PAFAH2: variants seen among roughly 807,000 people sequenced by gnomAD.
The protein encoded by PAFAH2 is platelet-activating factor acetylhydrolase 2, cytoplasmic.
Under a neutral mutation model 49.0 loss-of-function variants are expected in PAFAH2, and 42 were observed. The observed-to-expected ratio is 0.86, with a 90% confidence interval of 0.67 to 1.11. PAFAH2 has a LOEUF of 1.11. Ranked by LOEUF, PAFAH2 falls within the 50% of genes least tolerant of loss-of-function variation. The probability of loss-of-function intolerance (pLI) is 0.00; values close to 1 mark genes in which losing one functional copy is unlikely to be tolerated. For synonymous variants in PAFAH2, 184 were observed against 181.3 expected (o/e 1.01, Z -0.12); for missense variants, 503 against 501.8 (o/e 1.00, Z -0.02).
intron 2 of PAFAH2, among the ~76,000 whole-genome samples, chr1:25,990,344 T>C (rs2049854432): frequency 6.6e-6 from 1 of 152,048 alleles, no homozygotes; most frequent in Non-Finnish European, 1.5e-5. Context: ...CCTACCCAGG[T>C]CAGGGAGTCC....
chr1:25,962,549 A>G (rs1171829338), intron 10 of PAFAH2, among the ~76,000 whole-genome samples: 1 of 152,198 alleles, frequency 6.6e-6, no homozygotes, highest in Admixed American at 6.5e-5. Context: ...AGGGCTGGGC[A>G]TGGTGGCTTA....
At chr1:25,994,608 T>C (rs1238934225) in intron 1 of PAFAH2, among the ~76,000 whole-genome samples, 1 of 152,080 alleles carries the variant, frequency 6.6e-6, no homozygotes, top group East Asian at 1.9e-4. Flanking sequence ...AATGTGCTGA[T>C]TGAGTGAAAA....
chr1:25,993,492 T>C (rs1366752572), intron 1 of PAFAH2, among the ~76,000 whole-genome samples: 3 of 152,362 alleles, frequency 2.0e-5, no homozygotes, highest in South Asian at 4.1e-4. Context: ...CACAGTCTCC[T>C]GGTTGTCAGC....
rs200988616 is a variant in PAFAH2 at position 25,972,670 on chromosome 1, A to G, written c.972T>C (p.Thr324=). 6.2e-7 allele frequency: 1 copy of G among 1,613,966 alleles called. No individual in the cohort carries two copies. The highest frequency in any genetic ancestry group is 1.1e-5 in the South Asian group (1 of 91,080). The change falls in exon 10 of 11, where the codon ACT becomes ACC. Residue 324 remains threonine, a synonymous_variant. Transcript: ENST00000374282. Reference sequence around the variant, plus strand: ...AGAAGAATTTACCAATCAAGTTGCCAGTCACAAAAGCAAAGTCAGTTTGAC... The same window carrying G: ...AGAAGAATTTACCAATCAAGTTGCCGGTCACAAAAGCAAAGTCAGTTTGAC... ...HRSQTDFAFV[T]GNLIGKFFST...
At chr1:25,989,935 G>A (rs2049849339) in intron 2 of PAFAH2, among the ~76,000 whole-genome samples, 1 of 152,148 alleles carries the variant, frequency 6.6e-6, no homozygotes, top group African/African-American at 2.4e-5. Context: ...AGGAGTTAGA[G>A]ATTAGTTCTC....
At chr1:25,965,613 TG>T (rs2049407733) in intron 10 of PAFAH2, among the ~76,000 whole-genome samples, 10 of 151,964 alleles carry the variant, frequency 6.6e-5, no homozygotes, top group Admixed American at 6.6e-4. Flanking sequence ...GTCAGGAGTT[TG>T]AGACCAGTCT....
At position 25,990,908 on chromosome 1, in the gene PAFAH2, T is replaced by A. The variant is rs867552570; in HGVS notation, c.-47-45A>T. On this transcript the variant is annotated intron_variant, in intron 1 of 10. Transcript: ENST00000374282. ...ACAGCAGCCGCTTGCTGGTTTCCTC[T>A]CGGCTTCCTGTTGCTGAAATGTGTT... 21 of 976,602 alleles carry A rather than the reference T, an allele frequency of 2.2e-5. No homozygotes were observed. In the Middle Eastern group the frequency reaches 2.9e-3, roughly 137 times the overall value. The allele number at this position is 976,602 out of a possible 1,614,324, so 60.5% of individuals were successfully genotyped here.
intron 10 of PAFAH2, among the ~76,000 whole-genome samples, chr1:25,971,069 G>A (rs2049500431): frequency 6.6e-6 from 1 of 152,150 alleles, no homozygotes; most frequent in South Asian, 2.1e-4. Flanking sequence ...GAACTGCCAG[G>A]TGCCGTCTGA....
chr1:25,983,817 C>G, intron 6 of PAFAH2, 129 bp downstream of exon 6: 1 of 1,015,480 alleles, frequency 9.8e-7, no homozygotes, highest in Non-Finnish European at 1.5e-6. Flanking sequence ...TGTATTTCCA[C>G]TGATGTGGCA....
rs377262487 is a variant in PAFAH2 at position 25,984,442 on chromosome 1, T to C, written c.410+18A>G. The C allele has an allele frequency of 1.9e-6, 3 of 1,605,744 alleles. No homozygotes were observed. The African/African-American group carries it at 4.0e-5, about 21-fold the overall frequency. ...TAGCTCACTGCAGGCACCCAATCCA[T>C]GGCGGCTCATCCCTCACCTGTGCTC... On this transcript the variant is annotated intron_variant, in intron 5 of 10. Transcript: ENST00000374282.
At chr1:25,964,711 A>G (rs1377304471) in intron 10 of PAFAH2, among the ~76,000 whole-genome samples, 1 of 152,242 alleles carries the variant, frequency 6.6e-6, no homozygotes, top group Admixed American at 6.5e-5. Flanking sequence ...TTAACCAAGG[A>G]GGTGAAAGAT....
intron 10 of PAFAH2, 115 bp from the exon 11 acceptor site, chr1:25,962,198 G>C: frequency 1.3e-6 from 1 of 762,200 alleles, no homozygotes; most frequent in Non-Finnish European, 2.2e-6. Context: ...GATACCAAAA[G>C]GACTGGTTTT....
chr1:25,989,520 A>G lies in PAFAH2; in HGVS notation c.172T>C (p.Tyr58His). ...AGGTACTCGGCCAGGCCAGTGCAGTACTCATAGCGGGGAATCCACAGGGGC... is the reference window on the plus strand; with the variant it reads ...AGGTACTCGGCCAGGCCAGTGCAGTGCTCATAGCGGGGAATCCACAGGGGC... Reference protein sequence around the residue: ...EQPLWIPRYEYCTGLAEYLQF... With the variant: ...EQPLWIPRYEHCTGLAEYLQF... The change falls in exon 3 of 11, where the codon TAC (tyrosine) becomes CAC (histidine). Residue 58 changes from tyrosine to histidine, a missense_variant. Physicochemically the swap from Tyr to His is moderately conservative, Grantham distance 83. Transcript: ENST00000374282. 3 of 1,612,978 alleles carry G rather than the reference A, an allele frequency of 1.9e-6. No individual in the cohort carries two copies. Among genetic ancestry groups the G allele is most frequent in the Non-Finnish European group, 2.5e-6 (3 of 1,179,462 alleles).
chr1:25,977,179 C>T (rs1195784343), intron 7 of PAFAH2, among the ~76,000 whole-genome samples: 5 of 150,906 alleles, frequency 3.3e-5, no homozygotes, highest in South Asian at 2.1e-4. Context: ...CCCGCTACCA[C>T]GCCCGGCTAA....
intron 7 of PAFAH2, among the ~76,000 whole-genome samples, chr1:25,981,691 A>C (rs922549847): frequency 6.6e-6 from 1 of 152,178 alleles, no homozygotes; most frequent in Non-Finnish European, 1.5e-5. Context: ...GCTTTCCCAG[A>C]TTAGTGGAAG....
At position 25,972,682 on chromosome 1, in the gene PAFAH2, A is replaced by G. The variant is rs2049528020; in HGVS notation, c.960T>C (p.Phe320=). The part of the protein sequence containing the change: ...LGSVHRSQTD[F]AFVTGNLIGK... ...CAATCAAGTTGCCAGTCACAAAAGC[A>G]AAGTCAGTTTGACTCCGATGAACAG... Residue 320 remains phenylalanine, a synonymous_variant, in exon 10 of 11, where the codon TTT becomes TTC. Transcript: ENST00000374282. 1.2e-6 allele frequency: 2 copies of G among 1,613,878 alleles called. No individual in the cohort carries two copies. Among genetic ancestry groups the G allele is most frequent in the Admixed American group, 1.7e-5 (1 of 59,992 alleles).
At chr1:25,966,403 G>C (rs2914968) in intron 10 of PAFAH2, among the ~76,000 whole-genome samples, 146,084 of 152,274 alleles carry the variant, frequency 0.96, 70,380 homozygotes, top group East Asian at 1. Flanking sequence ...TAAAGAAAAT[G>C]TGGTGTACAG....
In PAFAH2 at chr1:25,994,023, G is replaced by A. The variant is rs1569587168; in HGVS notation, c.-47-3160C>T. On this transcript the variant is annotated intron_variant, in intron 1 of 10. Coordinates refer to ENST00000374282, the MANE Select transcript of PAFAH2 (RefSeq NM_000437.4). ...AGAGAAAGTTGTGACCAGATTTGGG[G>A]AGGAGCAGTCCCTCAAGTGCTAAGC... Among the ~76,000 whole-genome samples the A allele has an allele frequency of 3.9e-5, 6 of 152,138 alleles. No homozygotes were observed. The South Asian group carries it at 1.2e-3, about 32-fold the overall frequency.
At chr1:25,994,491 G>A (rs562921824) in intron 1 of PAFAH2, among the ~76,000 whole-genome samples, 57 of 152,158 alleles carry the variant, frequency 3.7e-4, no homozygotes, top group African/African-American at 1.3e-3. Context: ...TTCCCCATCT[G>A]TACAATGGGA....
Sources: allele counts gnomAD v4.1 joint callset (sites outside exome capture counted in the v4.1 genomes callset), GRCh38; gene constraint gnomAD v4.1.1; transcripts MANE v1.5; gene names NCBI Gene and HGNC (gene_info 2026-07-23, HGNC 2026-07-21).